SAFB2: variants seen among roughly 807,000 people sequenced by gnomAD.
SAFB2 encodes scaffold attachment factor B2.
Under a neutral mutation model 100.6 loss-of-function variants are expected in SAFB2, and 32 were observed. The ratio of observed to expected loss-of-function variants is 0.32; its 90% confidence interval spans 0.24 to 0.43. The LOEUF (loss-of-function observed/expected upper bound fraction) is 0.43, where lower values mean the gene tolerates loss of function less well. Ranked by LOEUF, SAFB2 falls within the 20% of genes least tolerant of loss-of-function variation. The pLI, the probability that SAFB2 is intolerant of heterozygous loss-of-function variation, is 1.00. For synonymous variants in SAFB2, 500 were observed against 439.4 expected, an observed-to-expected ratio of 1.14 and a Z score of -1.72; for missense variants, 1,185 against 1,163.4, an observed-to-expected ratio of 1.02 and a Z score of -0.27.
intron 2 of SAFB2, among the ~76,000 whole-genome samples, chr19:5,617,951 C>T (rs544073564): frequency 6.6e-4 from 101 of 152,158 alleles, no homozygotes; most frequent in African/African-American, 2.2e-3. Flanking sequence ...GAGACAAGTT[C>T]GGGCAACAAA....
chr19:5,590,046 G>A (rs2052357101), intron 18 of SAFB2, among the ~76,000 whole-genome samples: 1 of 152,172 alleles, frequency 6.6e-6, no homozygotes, highest in Admixed American at 6.5e-5. Context: ...TCAAGAATGG[G>A]GATGGGCCAT....
intron 17 of SAFB2, chr19:5,591,477 A>C (rs1389310004): frequency 2.9e-6 from 1 of 340,610 alleles, no homozygotes; most frequent in East Asian, 5.7e-5. Context: ...ACAGGGTTTC[A>C]CCATGTCGGC....
chr19:5,596,476 C>G (rs899529248), intron 13 of SAFB2, among the ~76,000 whole-genome samples: 1 of 152,170 alleles, frequency 6.6e-6, no homozygotes, highest in African/African-American at 2.4e-5. Context: ...TCCTCAGTAG[C>G]TGAGACCACA....
rs138679752 is a variant in SAFB2 at position 5,620,868 on chromosome 19, G to A, written c.274+441C>T. Among the ~76,000 whole-genome samples the A allele has an allele frequency of 8.5e-3, 1,300 of 152,242 alleles. 13 individuals are homozygous for A. The highest frequency in any genetic ancestry group is 0.013 in the South Asian group (62 of 4,826). ...CAAAAACCGTAATAGTAAAAAATAG[G>A]CTGAGTGCAAATACCCCAACAATCT... On this transcript the variant is annotated intron_variant, in intron 2 of 20. Transcript: ENST00000252542.
chr19:5,588,433 T>C (rs183345770), intron 18 of SAFB2, among the ~76,000 whole-genome samples: 23 of 152,324 alleles, frequency 1.5e-4, no homozygotes, highest in Admixed American at 1.5e-3. Flanking sequence ...CAAAGACATC[T>C]GTGCATGAAT....
At position 5,604,867 on chromosome 19, in the gene SAFB2, A is replaced by G; in HGVS notation, c.1366T>C (p.Ser456Pro). 6.2e-7 allele frequency: 1 copy of G among 1,614,142 alleles called. No individual in the cohort carries two copies. Among genetic ancestry groups the G allele is most frequent in the East Asian group, 2.2e-5 (1 of 44,870 alleles). The change falls in exon 10 of 21, where the codon TCG becomes CCG. Residue 456 changes from serine (S) to proline (P), a missense_variant. Ser to Pro is a moderately conservative substitution (Grantham distance 74, BLOSUM62 -1). Around this residue, in one of 3 missense-constraint regions of SAFB2, gnomAD observed 94 missense variants for 135.1 expected, o/e 0.70. Transcript: ENST00000252542. ...GARCYGFVTM[S>P]TSDEATKCIS... ...CACTTGGTCGCCTCGTCAGATGTCG[A>G]CATGGTGACGAATCCATAGCATCGA... is the stretch of plus-strand genomic sequence containing the variant.
At position 5,595,343 on chromosome 19, in the gene SAFB2, T is replaced by C. The variant is rs10413286; in HGVS notation, c.1919+18A>G. On this transcript the variant is annotated intron_variant, in intron 14 of 20. Transcript: ENST00000252542. Reference sequence around the variant, plus strand: ...GAGAGGAAACCACCAGCCCACAGCCTCACCCAGCTCCACTCACCGCCGCCT... The same window carrying C: ...GAGAGGAAACCACCAGCCCACAGCCCCACCCAGCTCCACTCACCGCCGCCT... 0.68 allele frequency: 1,096,082 copies of C among 1,604,700 alleles called. 378,938 individuals are homozygous for C. Among genetic ancestry groups the C allele is most frequent in the East Asian group, 0.88 (39,637 of 44,822 alleles).
chr19:5,598,739 C>A (rs377039293), intron 13 of SAFB2, 54 bp downstream of exon 13: 2 of 1,509,726 alleles, frequency 1.3e-6, no homozygotes, highest in East Asian at 2.3e-5. Context: ...TCAAACGGGC[C>A]GTGGAGCCAT....
intron 14 of SAFB2, 50 bp from the exon 15 acceptor site, chr19:5,594,228 G>A (rs1208204576): frequency 3.3e-6 from 5 of 1,496,058 alleles, no homozygotes; most frequent in South Asian, 1.3e-5. Flanking sequence ...AGCCTCCAAG[G>A]AGAAAGCCCG....
chr19:5,601,711 A>AAAAT (rs10647558), intron 11 of SAFB2, among the ~76,000 whole-genome samples: 68,254 of 144,624 alleles, frequency 0.47, 16,587 homozygotes, highest in East Asian at 0.71. Flanking sequence ...ACTCCATCTC[A>AAAAT]AAATAAATAA....
At position 5,616,153 on chromosome 19, in the gene SAFB2, C is replaced by T. The variant is rs985718575; in HGVS notation, c.522G>A (p.Pro174=). ...CTACAGCATGCTCTGGGGGCTGAGCCGGGAGCTGTCTCAGCTGTGCAGCCA... is the reference window on the plus strand; with the variant it reads ...CTACAGCATGCTCTGGGGGCTGAGCTGGGAGCTGTCTCAGCTGTGCAGCCA... ...EYVAAQLRQL[P]AQPPEHAVDG... is the part of the protein sequence containing the mutation. Residue 174 remains proline, a synonymous_variant, in exon 4 of 21, where the codon CCG becomes CCA. Coordinates refer to ENST00000252542, the MANE Select transcript of SAFB2 (RefSeq NM_014649.3). 11 of 1,614,052 alleles carry T rather than the reference C, an allele frequency of 6.8e-6. No individual in the cohort carries two copies. The highest frequency in any genetic ancestry group is 2.7e-5 in the African/African-American group (2 of 74,920).
chr19:5,605,007 A>C, intron 9 of SAFB2, 71 bp from the exon 10 acceptor site: 2 of 1,539,590 alleles, frequency 1.3e-6, no homozygotes. Context: ...ATTACCTGGC[A>C]ATCAGAATCA....
At chr19:5,604,126 A>ACTG (rs2145338092) in intron 11 of SAFB2, among the ~76,000 whole-genome samples, 1 of 152,340 alleles carries the variant, frequency 6.6e-6, no homozygotes, top group African/African-American at 2.4e-5. Flanking sequence ...AAAGCTGAAG[A>ACTG]CTGGCAGGGC....
intron 2 of SAFB2, among the ~76,000 whole-genome samples, chr19:5,618,341 A>G (rs1384174293): frequency 6.6e-6 from 1 of 152,190 alleles, no homozygotes; most frequent in Non-Finnish European, 1.5e-5. Flanking sequence ...CAGCCTGGGC[A>G]ACAGAGCGAG....
At position 5,615,555 on chromosome 19, in the gene SAFB2, A is replaced by T. The variant is rs530658623; in HGVS notation, c.543+577T>A. Among the ~76,000 whole-genome samples the T allele has an allele frequency of 5.8e-4, 87 of 150,682 alleles. 2 individuals are homozygous for T. The South Asian group carries it at 0.013, about 22-fold the overall frequency. Reference sequence around the variant, plus strand: ...AGATCCCGCCTCTAAAAAAAAAAAAATTTTTTTTTAATTAGCTGGGCGTGG... The same window carrying T: ...AGATCCCGCCTCTAAAAAAAAAAAATTTTTTTTTTAATTAGCTGGGCGTGG... On this transcript the variant is annotated intron_variant, in intron 4 of 20. Transcript: ENST00000252542.
chr19:5,591,433 CA>C (rs2052401384), intron 17 of SAFB2: 2 of 239,230 alleles, frequency 8.4e-6, no homozygotes, highest in Non-Finnish European at 1.6e-5. Flanking sequence ...CACTCGCCAC[CA>C]TGCCTGGCTA....
chr19:5,622,773 C>A lies in SAFB2; in HGVS notation c.-58G>T. 6.5e-7 allele frequency: 1 copy of A among 1,528,318 alleles called. No individual in the cohort carries two copies. Among genetic ancestry groups the A allele is most frequent in the South Asian group, 1.2e-5 (1 of 84,466 alleles). The allele number at this position is 1,528,318 out of a possible 1,614,324, so 94.7% of individuals were successfully genotyped here. ...CGCACACCGCCGGCAGCTATAGCGG[C>A]TCTGAACACAAAATGGCGCCGCCTA... is the stretch of plus-strand genomic sequence containing the variant. On this transcript the variant is annotated 5_prime_UTR_variant, in exon 1 of 21. Coordinates refer to ENST00000252542, the MANE Select transcript of SAFB2 (RefSeq NM_014649.3).
At chr19:5,603,081 A>T (rs1479446331) in intron 11 of SAFB2, among the ~76,000 whole-genome samples, 1 of 152,088 alleles carries the variant, frequency 6.6e-6, no homozygotes, top group Admixed American at 6.5e-5. Flanking sequence ...CAACCTGAGC[A>T]AAAGAGCAAG....
At chr19:5,596,892 A>G (rs1228777322) in intron 13 of SAFB2, among the ~76,000 whole-genome samples, 1 of 152,236 alleles carries the variant, frequency 6.6e-6, no homozygotes, top group Non-Finnish European at 1.5e-5. Flanking sequence ...GGAGAGAAAG[A>G]GCGAGCAATG....
Sources: gnomAD v4.1 joint callset for allele counts (sites outside exome capture counted in the v4.1 genomes callset) on GRCh38, gnomAD v4.1.1 for gene constraint, gnomAD v4.1.1 regional missense constraint, MANE v1.5 for transcripts, NCBI Gene and HGNC (gene_info 2026-07-23, HGNC 2026-07-21) for gene names.